SYBU: variants seen among roughly 807,000 people sequenced by gnomAD.
SYBU encodes GOLSYN A protein.
A neutral mutation model predicts 35.9 loss-of-function variants in SYBU; 21 were observed. That is an observed-to-expected ratio of 0.58 (90% confidence interval 0.41 to 0.84). The LOEUF is 0.84. Among genes scored for constraint, SYBU ranks in the 40% least tolerant of loss-of-function variants. SYBU has a pLI of 0.00. For synonymous variants in SYBU, 319 were observed against 324.3 expected (o/e 0.98, Z 0.18); for missense variants, 768 against 848.2 (o/e 0.91, Z 1.17).
intron 1 of SYBU, among the ~76,000 whole-genome samples, chr8:109,662,889 G>T (rs1206291049): frequency 1.3e-5 from 2 of 152,108 alleles, no homozygotes; most frequent in African/African-American, 2.4e-5. Flanking sequence ...TGAAGGCAAA[G>T]AAAGTATATG....
At position 109,642,715 on chromosome 8, in the gene SYBU, G is replaced by A. The variant is rs748996277; in HGVS notation, c.229+13C>T. The A allele has an allele frequency of 1.0e-5, 16 of 1,564,454 alleles. No individual in the cohort carries two copies. The highest frequency in any genetic ancestry group is 4.6e-5 in the East Asian group (2 of 43,926). On this transcript the variant is annotated intron_variant, in intron 2 of 6. Transcript: ENST00000276646. The stretch of plus-strand genomic sequence containing the variant: ...CGCTTCACGCCTCTGGTGGCCTCCC[G>A]AGGGTACTGTACCTGAGCAGAAGCT...
At chr8:109,687,293 C>T (rs1405026623) in intron 1 of SYBU, among the ~76,000 whole-genome samples, 1 of 151,968 alleles carries the variant, frequency 6.6e-6, no homozygotes, top group East Asian at 1.9e-4. Context: ...AAATTATTTC[C>T]AAACTAAAAA....
rs1816294282 is a variant in SYBU at position 109,654,953 on chromosome 8, G to A, written c.-129+25758C>T. ...GATTTCTAACCTGTCCCCCACACTT[G>A]TCCCGTTCAGTTCATTTTTGAACAG... is the stretch of plus-strand genomic sequence containing the variant. On this transcript the variant is annotated intron_variant, in intron 1 of 5. Coordinates refer to the SYBU transcript ENST00000408889. Among the ~76,000 whole-genome samples, 5 of 152,020 alleles carry A rather than the reference G, an allele frequency of 3.3e-5. No individual in the cohort carries two copies. The South Asian group carries it at 8.3e-4, about 25-fold the overall frequency.
chr8:109,659,582 A>C (rs1440374817), intron 1 of SYBU, among the ~76,000 whole-genome samples: 3 of 152,188 alleles, frequency 2.0e-5, no homozygotes, highest in Non-Finnish European at 4.4e-5. Flanking sequence ...CATAGAGAAC[A>C]ATAAATTTTA....
intron 3 of SYBU, among the ~76,000 whole-genome samples, chr8:109,605,486 T>C (rs1825976544): frequency 2.0e-5 from 3 of 152,200 alleles, no homozygotes; most frequent in Admixed American, 1.3e-4. Flanking sequence ...TTTTTTTCAT[T>C]CAAGTGACTT....
chr8:109,618,157 C>T (rs78764600), intron 3 of SYBU, among the ~76,000 whole-genome samples: 4,178 of 152,276 alleles, frequency 0.027, 183 homozygotes, highest in African/African-American at 0.096. Flanking sequence ...TGACGATGAA[C>T]ACATCCTTTT....
chr8:109,688,885 G>A (rs1817580767), intron 1 of SYBU, among the ~76,000 whole-genome samples: 1 of 151,886 alleles, frequency 6.6e-6, no homozygotes, highest in Non-Finnish European at 1.5e-5. Flanking sequence ...AACAGAAATT[G>A]ACTAAAATGA....
At chr8:109,594,452 T>A (rs1182238535) in intron 3 of SYBU, among the ~76,000 whole-genome samples, 1 of 152,130 alleles carries the variant, frequency 6.6e-6, no homozygotes, top group African/African-American at 2.4e-5. Context: ...GGGAAACAGA[T>A]GACATAATTC....
chr8:109,678,575 G>A (rs113436032), intron 1 of SYBU, among the ~76,000 whole-genome samples: 7,325 of 151,578 alleles, frequency 0.048, 572 homozygotes, highest in African/African-American at 0.17. Flanking sequence ...GGAGTAGCTG[G>A]GACTACAGGT....
chr8:109,596,045 G>A (rs1824838476), intron 3 of SYBU, among the ~76,000 whole-genome samples: 1 of 152,176 alleles, frequency 6.6e-6, no homozygotes, highest in Non-Finnish European at 1.5e-5. Flanking sequence ...TGATTCCACT[G>A]ACAACCCTTA....
At chr8:109,674,494 G>T (rs918399225) in intron 1 of SYBU, among the ~76,000 whole-genome samples, 2 of 152,118 alleles carry the variant, frequency 1.3e-5, no homozygotes, top group Non-Finnish European at 2.9e-5. Flanking sequence ...CTGAGATTTT[G>T]TCACCACCAG....
chr8:109,676,986 T>C (rs1003310741), intron 1 of SYBU, among the ~76,000 whole-genome samples: 2 of 152,080 alleles, frequency 1.3e-5, no homozygotes, highest in African/African-American at 4.8e-5. Flanking sequence ...TGTCTTTTTG[T>C]CTCTGAGTCT....
At chr8:109,612,695 C>T (rs970143031) in intron 3 of SYBU, among the ~76,000 whole-genome samples, 3 of 151,020 alleles carry the variant, frequency 2.0e-5, no homozygotes, top group Non-Finnish European at 4.4e-5. Flanking sequence ...AAAAGGCCAC[C>T]CAGGCGGAGT....
chr8:109,668,519 A>G (rs1816850406), intron 1 of SYBU, among the ~76,000 whole-genome samples: 1 of 152,172 alleles, frequency 6.6e-6, no homozygotes, highest in Non-Finnish European at 1.5e-5. Flanking sequence ...ACGTAATATG[A>G]TTCTTCCACC....
At position 109,575,294 on chromosome 8, in the gene SYBU, G is replaced by C; in HGVS notation, c.1604C>G (p.Ser535Cys). The C allele has an allele frequency of 6.2e-7, 1 of 1,614,196 alleles. No individual in the cohort carries two copies. Among genetic ancestry groups the C allele is most frequent in the South Asian group, 1.1e-5 (1 of 91,082 alleles). The change falls in exon 7 of 7, where the codon TCC (serine) becomes TGC (cysteine). Residue 535 changes from serine to cysteine, a missense_variant. Coordinates refer to ENST00000276646, the MANE Select transcript of SYBU (RefSeq NM_001099754.2). ...EPDSMESFPE[S>C]LSALVVDLTP... ...TAAATCAACCACTAAGGCAGAGAGG[G>C]ACTCTGGGAAGCTCTCCATCGAGTC...
chr8:109,645,830 C>T (rs759438180), upstream of SYBU: 27 of 161,120 alleles, frequency 1.7e-4, no homozygotes, highest in Non-Finnish European at 2.6e-4. Flanking sequence ...CTTGACCCTT[C>T]TGAACTTCAA....
chr8:109,645,973 G>A (rs967680589), upstream of SYBU: 6 of 152,374 alleles, frequency 3.9e-5, no homozygotes, highest in Non-Finnish European at 7.3e-5. Flanking sequence ...GCTAAGTCAG[G>A]TCCAGATGAT....
chr8:109,579,423 T>TTTTGTTTG (rs137877251), intron 5 of SYBU, among the ~76,000 whole-genome samples: 2 of 152,046 alleles, frequency 1.3e-5, no homozygotes, highest in African/African-American at 4.8e-5. Context: ...CTTAAGTTGT[T>TTTTGTTTG]TTTGTTTGTT....
intron 3 of SYBU, among the ~76,000 whole-genome samples, chr8:109,605,249 A>G (rs900189748): frequency 2.0e-5 from 3 of 152,242 alleles, no homozygotes; most frequent in Non-Finnish European, 1.5e-5. Context: ...CTAGCAGAAT[A>G]TAAGTAAAAG....
Sources: gnomAD v4.1 joint callset for allele counts (sites outside exome capture counted in the v4.1 genomes callset) on GRCh38, gnomAD v4.1.1 for gene constraint, MANE v1.5 for transcripts, NCBI Gene and HGNC (gene_info 2026-07-23, HGNC 2026-07-21) for gene names.